NBDY: variants seen among roughly 807,000 people sequenced by gnomAD.
The protein encoded by NBDY is P-body dissociating protein.
In NBDY at chrX:56,729,368, T is replaced by C. The variant is rs2146708910; in HGVS notation, c.15T>C (p.Pro5=). ...CTGTAATCCTTATGGGAGACCAACCTTGTGCCTCCGGGAGATCCACTCTCC... is the reference window on the plus strand; with the variant it reads ...CTGTAATCCTTATGGGAGACCAACCCTGTGCCTCCGGGAGATCCACTCTCC... MGDQ[P]CASGRSTLPP... is the part of the protein sequence containing the mutation. The change falls in exon 1 of 3, where the codon CCT becomes CCC. Residue 5 remains proline, a synonymous_variant. Transcript: ENST00000374922. 2 of 296,219 alleles carry C rather than the reference T, an allele frequency of 6.8e-6. No homozygotes were observed. Among genetic ancestry groups the C allele is most frequent in the East Asian group, 9.5e-5 (2 of 20,987 alleles). The allele number at this position is 296,219 out of a possible 1,213,427, so 24.4% of individuals were successfully genotyped here.
intron 2 of NBDY, among the ~76,000 whole-genome samples, chrX:56,748,837 G>T (rs1335607122): frequency 1.5e-5 from 1 of 66,434 alleles, no homozygotes; most frequent in Non-Finnish European, 3.1e-5. Flanking sequence ...CCAAGTTGAG[G>T]GTAGCTGGCA....
At chrX:56,758,366 A>C (rs2146721680) in intron 2 of NBDY, among the ~76,000 whole-genome samples, 1 of 109,932 alleles carries the variant, frequency 9.1e-6, no homozygotes, top group Non-Finnish European at 1.9e-5. Context: ...CAGGTCCAAC[A>C]GGCATCTGCA....
chrX:56,760,376 A>G (rs756220444), intron 2 of NBDY, among the ~76,000 whole-genome samples: 5 of 94,801 alleles, frequency 5.3e-5, no homozygotes, highest in Non-Finnish European at 1.1e-4. Context: ...GCAACCAAAC[A>G]AAACAAAGAC....
intron 2 of NBDY, among the ~76,000 whole-genome samples, chrX:56,791,765 TC>T (rs1172408581): frequency 1.8e-5 from 2 of 110,930 alleles, no homozygotes; most frequent in East Asian, 5.7e-4. Flanking sequence ...TTCTTCCTCT[TC>T]CTCCTCCTAC....
At chrX:56,813,846 G>A (rs1466399797) in intron 2 of NBDY, among the ~76,000 whole-genome samples, 1 of 111,541 alleles carries the variant, frequency 9.0e-6, no homozygotes, top group Non-Finnish European at 1.9e-5. Context: ...CTTACACTCG[G>A]AAAGGATCCC....
At chrX:56,759,269 C>T (rs1429798053) in intron 2 of NBDY, among the ~76,000 whole-genome samples, 1 of 112,091 alleles carries the variant, frequency 8.9e-6, no homozygotes. Context: ...GCCCTATGAT[C>T]CCAGTCCACC....
At chrX:56,751,573 A>G (rs1427417317) in intron 2 of NBDY, among the ~76,000 whole-genome samples, 2 of 112,050 alleles carry the variant, frequency 1.8e-5, no homozygotes, top group African/African-American at 6.5e-5. Context: ...TAGCTCAATG[A>G]ATTTGTACAT....
At chrX:56,787,922 C>A (rs1285436046) in intron 2 of NBDY, among the ~76,000 whole-genome samples, 1 of 112,892 alleles carries the variant, frequency 8.9e-6, no homozygotes, top group Non-Finnish European at 1.9e-5. Flanking sequence ...GGGAAGTCTC[C>A]TAGTCTGGGG....
chrX:56,748,226 A>T (rs2069566253), intron 2 of NBDY, among the ~76,000 whole-genome samples: 1 of 112,118 alleles, frequency 8.9e-6, no homozygotes. Context: ...ACTCTAGCCT[A>T]GCCAAATTAA....
At chrX:56,798,732 A>G (rs2069806426) in intron 2 of NBDY, among the ~76,000 whole-genome samples, 1 of 111,842 alleles carries the variant, frequency 8.9e-6, no homozygotes. Context: ...TGAAACCTGG[A>G]GAAGGCCAAA....
At chrX:56,800,202 C>T (rs2069815027) in intron 2 of NBDY, among the ~76,000 whole-genome samples, 1 of 111,140 alleles carries the variant, frequency 9.0e-6, no homozygotes, top group Admixed American at 9.5e-5. Context: ...ATATTTAACT[C>T]CCATCTCATC....
chrX:56,812,123 G>A (rs757341105), intron 2 of NBDY, among the ~76,000 whole-genome samples: 34 of 110,693 alleles, frequency 3.1e-4, no homozygotes, highest in Admixed American at 1.8e-3. Context: ...TGGTACCTCA[G>A]TTTGAAATGC....
At chrX:56,757,985 C>G (rs750227790) in intron 2 of NBDY, among the ~76,000 whole-genome samples, 23 of 111,180 alleles carry the variant, frequency 2.1e-4, no homozygotes, top group Non-Finnish European at 7.5e-5. Context: ...GTGCACCACA[C>G]TTGTCCCTAG....
chrX:56,735,402 C>A, intron 2 of NBDY, among the ~76,000 whole-genome samples: 1 of 112,447 alleles, frequency 8.9e-6, no homozygotes, highest in Non-Finnish European at 1.9e-5. Flanking sequence ...AGAGGTTGCC[C>A]TATGTAATAT....
intron 2 of NBDY, among the ~76,000 whole-genome samples, chrX:56,760,998 G>T: frequency 8.9e-6 from 1 of 112,074 alleles, no homozygotes; most frequent in Non-Finnish European, 1.9e-5. Flanking sequence ...CTATGAATCT[G>T]CATAGGCCTC....
chrX:56,746,651 C>T (rs1221558735), intron 2 of NBDY, among the ~76,000 whole-genome samples: 1 of 110,030 alleles, frequency 9.1e-6, no homozygotes, highest in Non-Finnish European at 1.9e-5. Context: ...TTCCTTGCCA[C>T]TGTAGATCTG....
chrX:56,800,372 G>A (rs1259382054), intron 2 of NBDY, among the ~76,000 whole-genome samples: 5 of 111,577 alleles, frequency 4.5e-5, no homozygotes, highest in African/African-American at 1.3e-4. Context: ...TCAGCTTCCC[G>A]GTTTTCTCTT....
At chrX:56,733,897 A>G (rs953569054) in intron 2 of NBDY, among the ~76,000 whole-genome samples, 8 of 112,287 alleles carry the variant, frequency 7.1e-5, no homozygotes, top group Non-Finnish European at 1.3e-4. Context: ...TCAAAGCTAC[A>G]CACAGGATGC....
At chrX:56,730,513 CAAAAAAAAAAAAAAA>C (rs1157131797) in intron 1 of NBDY, among the ~76,000 whole-genome samples, 11 of 11,215 alleles carry the variant, frequency 9.8e-4, no homozygotes, top group Non-Finnish European at 1.6e-3. Flanking sequence ...AACTACGTCT[CAAAAAAAAAAAAAAA>C]AAAAAAAAAA....
Sources: allele counts gnomAD v4.1 joint callset (sites outside exome capture counted in the v4.1 genomes callset), GRCh38; gene constraint gnomAD v4.1.1; transcripts MANE v1.5; gene names NCBI Gene and HGNC (gene_info 2026-07-23, HGNC 2026-07-21).